The following CACNG3 variants were observed in gnomAD, a reference collection of about 807,000 sequenced individuals.
CACNG3 encodes voltage-dependent calcium channel gamma-3 subunit.
Under a neutral mutation model 28.5 loss-of-function variants are expected in CACNG3, and 3 were observed. The ratio of observed to expected loss-of-function variants is 0.11; its 90% CI spans 0.05 to 0.27. The LOEUF (loss-of-function observed/expected upper bound fraction) is 0.27. Among genes scored for constraint, CACNG3 ranks in the 10% least tolerant of loss-of-function variants. The probability of loss-of-function intolerance (pLI) is 1.00; values close to 1 mark genes in which losing one functional copy is unlikely to be tolerated. For missense variants in CACNG3, 236 were observed against 414.4 expected (o/e 0.57, Z 3.74); for synonymous variants, 174 against 162.2 (o/e 1.07, Z -0.55).
intron 1 of CACNG3, among the ~76,000 whole-genome samples, chr16:24,299,646 T>C (rs1388707320): frequency 6.6e-6 from 1 of 152,246 alleles, no homozygotes; most frequent in Non-Finnish European, 1.5e-5. Context: ...TATTTCCATA[T>C]TTATCTACTT....
chr16:24,266,998 G>A (rs1470660346), intron 1 of CACNG3, among the ~76,000 whole-genome samples: 8 of 145,038 alleles, frequency 5.5e-5, no homozygotes, highest in Admixed American at 1.4e-4. Context: ...ATGGAGTCTC[G>A]CTCTATCGCC....
At chr16:24,285,013 CAA>C (rs370618917) in intron 1 of CACNG3, among the ~76,000 whole-genome samples, 73 of 94,598 alleles carry the variant, frequency 7.7e-4, no homozygotes, top group African/African-American at 9.2e-4. Context: ...GGATTCCCAT[CAA>C]AAAAAAAAAA....
At chr16:24,358,712 A>C (rs1388367660) in intron 3 of CACNG3, among the ~76,000 whole-genome samples, 1 of 152,218 alleles carries the variant, frequency 6.6e-6, no homozygotes, top group Non-Finnish European at 1.5e-5. Context: ...TGTTACTGAA[A>C]TCTAAATCCA....
At chr16:24,329,705 T>C (rs1336556928) in intron 1 of CACNG3, among the ~76,000 whole-genome samples, 1 of 152,234 alleles carries the variant, frequency 6.6e-6, no homozygotes, top group Non-Finnish European at 1.5e-5. Context: ...TATATTGTCA[T>C]TGTGCTATTT....
chr16:24,303,719 A>G (rs1596634826), intron 1 of CACNG3, among the ~76,000 whole-genome samples: 1 of 151,952 alleles, frequency 6.6e-6, no homozygotes, highest in South Asian at 2.1e-4. Context: ...GGAGTTCAAG[A>G]CCAGCCTGGG....
At chr16:24,333,587 G>A (rs1054407113) in intron 1 of CACNG3, 1 of 152,242 alleles carries the variant, frequency 6.6e-6, no homozygotes, top group African/African-American at 2.4e-5. Flanking sequence ...GAAGGCTGTG[G>A]TCCTTGACCT....
chr16:24,280,259 T>G (rs1898807675), intron 1 of CACNG3, among the ~76,000 whole-genome samples: 1 of 152,224 alleles, frequency 6.6e-6, no homozygotes. Context: ...TAAGTGAACA[T>G]TAAAGTTTCC....
intron 1 of CACNG3, among the ~76,000 whole-genome samples, chr16:24,279,015 A>G (rs1402870922): frequency 6.6e-6 from 1 of 152,198 alleles, no homozygotes; most frequent in Non-Finnish European, 1.5e-5. Flanking sequence ...GGCTAGATGG[A>G]GCATAAAGAG....
intron 1 of CACNG3, among the ~76,000 whole-genome samples, chr16:24,326,395 T>A (rs1899544584): frequency 6.6e-6 from 1 of 152,132 alleles, no homozygotes. Flanking sequence ...GGTCTCGAAT[T>A]CCCGACCTCA....
rs201002138 is a variant in CACNG3 at position 24,313,007 on chromosome 16, AAG to A, written c.212-33721_212-33720del. Among the ~76,000 whole-genome samples, 1,322 of 148,994 alleles carry A rather than the reference AAG, an allele frequency of 8.9e-3. 30 individuals are homozygous for A. Among genetic ancestry groups the A allele is most frequent in the African/African-American group, 0.03 (1,230 of 40,424 alleles). On this transcript the variant is annotated intron_variant, in intron 1 of 3. Coordinates refer to ENST00000005284, the MANE Select transcript of CACNG3 (RefSeq NM_006539.4). Reference sequence around the variant, plus strand: ...TAAAAGAAAGAAAGAAAGAAAGAAAAAGAGAGAAAGAGAGAGAGGAAGGAAAG... The same window carrying A: ...TAAAAGAAAGAAAGAAAGAAAGAAAAAGAGAAAGAGAGAGAGGAAGGAAAG...
intron 1 of CACNG3, among the ~76,000 whole-genome samples, chr16:24,338,256 C>T (rs1212508822): frequency 6.6e-6 from 1 of 152,118 alleles, no homozygotes; most frequent in Non-Finnish European, 1.5e-5. Context: ...CTGCAACAAC[C>T]CTATCCAATG....
intron 1 of CACNG3, among the ~76,000 whole-genome samples, chr16:24,267,774 A>T (rs781056879): frequency 8.5e-5 from 13 of 152,196 alleles, no homozygotes; most frequent in Non-Finnish European, 1.3e-4. Context: ...AGATCAAGTG[A>T]TTCTCCTGCC....
In CACNG3 at chr16:24,301,095, C is replaced by T. The variant is rs1008608930; in HGVS notation, c.211+44130C>T. On this transcript the variant is annotated intron_variant, in intron 1 of 3. Transcript: ENST00000005284. ...GCGTGGTGGCACACACCTGTAATCC[C>T]AGCTACTCGAGAGGCTGAGGCATGA... Among the ~76,000 whole-genome samples the T allele has an allele frequency of 5.3e-5, 8 of 150,044 alleles. No individual in the cohort carries two copies. The Admixed American group carries it at 5.3e-4, about 10-fold the overall frequency.
chr16:24,301,740 C>T (rs1020232113), intron 1 of CACNG3, among the ~76,000 whole-genome samples: 5 of 152,146 alleles, frequency 3.3e-5, no homozygotes, highest in Non-Finnish European at 7.3e-5. Flanking sequence ...AAAAACCATA[C>T]TTCCTTCCTT....
intron 1 of CACNG3, among the ~76,000 whole-genome samples, chr16:24,305,122 G>A (rs1419817698): frequency 6.6e-6 from 1 of 152,058 alleles, no homozygotes; most frequent in African/African-American, 2.4e-5. Context: ...TGGTGATGAA[G>A]TGTCAATATA....
chr16:24,339,542 C>T (rs951456579), intron 1 of CACNG3, among the ~76,000 whole-genome samples: 4 of 152,056 alleles, frequency 2.6e-5, no homozygotes, highest in African/African-American at 4.8e-5. Context: ...CCCGCCACCA[C>T]GCCCAGCTAA....
chr16:24,275,791 T>C (rs1162466005), intron 1 of CACNG3, among the ~76,000 whole-genome samples: 2 of 152,346 alleles, frequency 1.3e-5, no homozygotes, highest in Admixed American at 6.5e-5. Flanking sequence ...TGTAATGAAA[T>C]GTGCCAAATT....
chr16:24,285,643 C>G (rs1378536772), intron 1 of CACNG3, among the ~76,000 whole-genome samples: 1 of 151,928 alleles, frequency 6.6e-6, no homozygotes, highest in Non-Finnish European at 1.5e-5. Flanking sequence ...TGGTGAGACC[C>G]TGTCTCTAAA....
intron 1 of CACNG3, among the ~76,000 whole-genome samples, chr16:24,259,247 TGG>T (rs1055944133): frequency 5.9e-5 from 9 of 152,368 alleles, no homozygotes; most frequent in African/African-American, 2.2e-4. Context: ...ATATTAGCTA[TGG>T]CTGCACCCAT....
Sources: gnomAD v4.1 joint callset for allele counts (sites outside exome capture counted in the v4.1 genomes callset) on GRCh38, gnomAD v4.1.1 for gene constraint, MANE v1.5 for transcripts, NCBI Gene and HGNC (gene_info 2026-07-23, HGNC 2026-07-21) for gene names.